The following VPS35L variants were observed in gnomAD, a reference collection of about 807,000 sequenced individuals.
VPS35L encodes the protein VPS35 endosomal protein sorting factor like.
In VPS35L, 83 loss-of-function variants were observed where a neutral mutation model predicts 133.0. That is an observed-to-expected ratio of 0.62 (90% CI 0.52 to 0.75). The LOEUF is 0.75. Ranked by LOEUF, VPS35L falls within the 30% of genes least tolerant of loss-of-function variation. The probability of loss-of-function intolerance (pLI) is 0.00; values close to 1 mark genes in which losing one functional copy is unlikely to be tolerated. For synonymous variants in VPS35L, 423 were observed against 449.9 expected (o/e 0.94, Z 0.76); for missense variants, 1,083 against 1,206.8 (o/e 0.90, Z 1.52).
chr16:19,691,358 T>A lies in VPS35L; in HGVS notation c.2533T>A (p.Ser845Thr). ...TYLYHIDKVDSNDSLYGGDSK... is the reference protein window; with the variant it reads ...TYLYHIDKVDTNDSLYGGDSK... The stretch of plus-strand genomic sequence containing the variant: ...TGTTCTTGTTTGTTCAACAGTGGAC[T>A]CCAACGACAGCCTCTACGGGGGAGA... Residue 845 changes from serine (S) to threonine (T), a missense_variant, in exon 29 of 31, where the codon TCC (serine) becomes ACC (threonine). By Grantham distance (58) the Ser-to-Thr change is moderately conservative (BLOSUM62 1). Transcript: ENST00000417362. The A allele has an allele frequency of 6.2e-7, 1 of 1,613,044 alleles. No homozygotes were observed. The highest frequency in any genetic ancestry group is 1.7e-5 in the Admixed American group (1 of 59,996).
intron 6 of VPS35L, among the ~76,000 whole-genome samples, chr16:19,580,143 T>A (rs916578933): frequency 2.6e-5 from 4 of 151,932 alleles, no homozygotes; most frequent in Admixed American, 6.5e-5. Context: ...GAGGTTGAGA[T>A]CGCTCTGTCA....
chr16:19,681,042 G>T (rs758578620), intron 27 of VPS35L, among the ~76,000 whole-genome samples: 1 of 152,138 alleles, frequency 6.6e-6, no homozygotes, highest in South Asian at 2.1e-4. Flanking sequence ...CCAAGGAGCC[G>T]TCTGGCCAAG....
intron 18 of VPS35L, among the ~76,000 whole-genome samples, chr16:19,632,880 G>A (rs899149276): frequency 2.6e-5 from 4 of 152,278 alleles, no homozygotes; most frequent in East Asian, 1.9e-4. Context: ...TTTGAGAAGA[G>A]CGTTTAGTCC....
chr16:19,698,084 C>T (rs780755260), intron 29 of VPS35L, among the ~76,000 whole-genome samples: 19 of 152,212 alleles, frequency 1.2e-4, no homozygotes, highest in Non-Finnish European at 2.2e-4. Context: ...CTGGGGCCGG[C>T]GTCTCTGTTC....
intron 26 of VPS35L, among the ~76,000 whole-genome samples, chr16:19,667,054 G>T (rs1211335923): frequency 3.3e-5 from 5 of 150,610 alleles, no homozygotes; most frequent in African/African-American, 1.2e-4. Flanking sequence ...ACCTCTGACC[G>T]ACGGGTTCAA....
chr16:19,700,719 G>A lies in VPS35L; in HGVS notation c.*243G>A. 6.4e-6 allele frequency: 3 copies of A among 470,226 alleles called. No individual in the cohort carries two copies. Among genetic ancestry groups the A allele is most frequent in the Non-Finnish European group, 1.1e-5 (3 of 264,268 alleles). 29.1% of individuals were successfully genotyped at this position (470,226 alleles called of 1,614,324 possible). A position where few individuals can be genotyped will look rare whatever the true frequency, so the allele number is the denominator to read the frequency against. ...TCTCTGTGTTGTCTTTGCACAAGTGGCCTTCGGTCTACTCAGCCCGATCTG... is the reference window on the plus strand; with the variant it reads ...TCTCTGTGTTGTCTTTGCACAAGTGACCTTCGGTCTACTCAGCCCGATCTG... On this transcript the variant is annotated 3_prime_UTR_variant, in exon 31 of 31. Coordinates refer to ENST00000417362, the MANE Select transcript of VPS35L (RefSeq NM_020314.7).
At chr16:19,601,950 G>T (rs572100842) in intron 9 of VPS35L, among the ~76,000 whole-genome samples, 5 of 152,012 alleles carry the variant, frequency 3.3e-5, no homozygotes, top group African/African-American at 1.2e-4. Flanking sequence ...ATCTGCAAAG[G>T]CCTCACAGTT....
At chr16:19,627,225 G>T (rs1797803837) in intron 15 of VPS35L, among the ~76,000 whole-genome samples, 1 of 151,464 alleles carries the variant, frequency 6.6e-6, no homozygotes, top group Non-Finnish European at 1.5e-5. Context: ...GGAGGTTGCA[G>T]TGAGCCAAGA....
intron 14 of VPS35L, among the ~76,000 whole-genome samples, chr16:19,623,817 G>A (rs57468231): frequency 0.15 from 5,856 of 38,586 alleles, 306 homozygotes; most frequent in African/African-American, 0.45. Flanking sequence ...TATTATTATT[G>A]TTTTAAGACA....
At chr16:19,611,293 C>T (rs1231106293) in intron 12 of VPS35L, among the ~76,000 whole-genome samples, 4 of 152,204 alleles carry the variant, frequency 2.6e-5, no homozygotes, top group Non-Finnish European at 4.4e-5. Flanking sequence ...AGCCACTGCG[C>T]CCGGCCAGTA....
rs1973721929 is a variant in VPS35L, at chr16:19,639,541, T to A, written c.1699-474T>A. Among the ~76,000 whole-genome samples, 3 of 152,230 alleles carry A rather than the reference T, an allele frequency of 2.0e-5. No homozygotes were observed. Among genetic ancestry groups the A allele is most frequent in the Admixed American group, 6.5e-5 (1 of 15,274 alleles). ...GCTTTTTATTTTGTTTGTTTGTTTA[T>A]TTTTGAGATAGAGTCTTGCTCTGTC... On this transcript the variant is annotated intron_variant, in intron 20 of 30. Transcript: ENST00000417362. This position sits in a 1 kb window ranked among gnomAD's most constrained non-coding sequence, Gnocchi z 4.1.
intron 9 of VPS35L, 179 bp from the exon 10 acceptor site, chr16:19,607,995 TAGAA>T: frequency 1.7e-6 from 1 of 584,172 alleles, no homozygotes; most frequent in Non-Finnish European, 3.0e-6. Context: ...ACTTGGCACT[TAGAA>T]AGCCTGTGTC....
At chr16:19,570,225 C>A (rs910974919) in intron 3 of VPS35L, among the ~76,000 whole-genome samples, 49 of 152,148 alleles carry the variant, frequency 3.2e-4, no homozygotes, top group African/African-American at 1.2e-3. Flanking sequence ...CCATGCCCAG[C>A]TAATTTTTGT....
Position 19,629,756 on chromosome 16 carries a change from T to C in VPS35L, c.1501-11T>C. 6.2e-7 allele frequency: 1 copy of C among 1,612,650 alleles called. No homozygotes were observed. Among genetic ancestry groups the C allele is most frequent in the Non-Finnish European group, 8.5e-7 (1 of 1,178,644 alleles). ...TACTTAATGTTAAGATGTTTTCCTT[T>C]CTCTTTGTAGGACTACATTAATTGT... On this transcript the variant is annotated splice_polypyrimidine_tract_variant and intron_variant, in intron 17 of 30. Transcript: ENST00000417362.
chr16:19,661,679 C>A (rs150316689), intron 26 of VPS35L, among the ~76,000 whole-genome samples: 3 of 152,186 alleles, frequency 2.0e-5, no homozygotes, highest in Non-Finnish European at 4.4e-5. Flanking sequence ...GGACCCTTCC[C>A]GCCATCCTCA....
chr16:19,660,926 A>G (rs1480310290), intron 26 of VPS35L, among the ~76,000 whole-genome samples: 1 of 150,998 alleles, frequency 6.6e-6, no homozygotes, highest in African/African-American at 2.4e-5. Context: ...TCCCCACCCC[A>G]CCCCCAAATC....
At position 19,639,937 on chromosome 16, in the gene VPS35L, A is replaced by G; in HGVS notation, c.1699-78A>G. ...CCTCTGTTCTGCTTCTTTGAACTCC[A>G]CAGAAAAAGAGACCCACAGATTCCT... is the stretch of plus-strand genomic sequence containing the variant. On this transcript the variant is annotated intron_variant, in intron 20 of 30. Transcript: ENST00000417362. This position sits in a 1 kb window ranked among gnomAD's most constrained non-coding sequence, Gnocchi z 4.1. 1 of 1,276,654 alleles carries G rather than the reference A, an allele frequency of 7.8e-7. No homozygotes were observed. Among genetic ancestry groups the G allele is most frequent in the Non-Finnish European group, 1.1e-6 (1 of 891,388 alleles). The allele number at this position is 1,276,654 out of a possible 1,614,324, so 79.1% of individuals were successfully genotyped here.
At chr16:19,613,260 G>A (rs1175183932) in intron 12 of VPS35L, among the ~76,000 whole-genome samples, 8 of 152,286 alleles carry the variant, frequency 5.3e-5, no homozygotes, top group Admixed American at 3.3e-4. Flanking sequence ...CCAAGATCGC[G>A]CCACTGCACT....
At chr16:19,578,178 T>C (rs551336827) in intron 5 of VPS35L, 1 of 432,584 alleles carries the variant, frequency 2.3e-6, no homozygotes, top group East Asian at 7.0e-5. Context: ...AACAGTAGAG[T>C]TGAGTAGTTG....
Sources: gnomAD v4.1 joint callset for allele counts (sites outside exome capture counted in the v4.1 genomes callset) on GRCh38, gnomAD v4.1.1 for gene constraint, Gnocchi (gnomAD v3.1) non-coding constraint, MANE v1.5 for transcripts, NCBI Gene and HGNC (gene_info 2026-07-23, HGNC 2026-07-21) for gene names.